The following SEMA3A variants were observed in gnomAD, a reference collection of about 807,000 sequenced individuals.
SEMA3A encodes the protein semaphorin 3A, also known as semaphorin-3A.
Under a neutral mutation model 97.9 loss-of-function variants are expected in SEMA3A, and 29 were observed. That is an observed-to-expected ratio of 0.30 (90% confidence interval 0.22 to 0.40). The LOEUF is 0.40. Ranked by LOEUF, SEMA3A falls within the 10% of genes least tolerant of loss-of-function variation. SEMA3A has a pLI of 1.00. For synonymous variants in SEMA3A, 321 were observed against 323.7 expected, an observed-to-expected ratio of 0.99 and a Z score of 0.09; for missense variants, 763 against 951.3, an observed-to-expected ratio of 0.80 and a Z score of 2.60.
At chr7:84,401,033 AG>A (rs35759329) in intron 1 of SEMA3A, among the ~76,000 whole-genome samples, 17,471 of 152,148 alleles carry the variant, frequency 0.11, 1,883 homozygotes, top group African/African-American at 0.27. Context: ...CAATTGGACA[AG>A]AGAAAGAAAT....
At chr7:84,097,605 A>G (rs1295207449) in intron 4 of SEMA3A, among the ~76,000 whole-genome samples, 1 of 152,146 alleles carries the variant, frequency 6.6e-6, no homozygotes, top group Non-Finnish European at 1.5e-5. Flanking sequence ...ATAAAATGGC[A>G]GACTGGAAAA....
intron 4 of SEMA3A, among the ~76,000 whole-genome samples, chr7:84,103,792 G>C (rs1795026846): frequency 6.6e-6 from 1 of 152,012 alleles, no homozygotes; most frequent in Non-Finnish European, 1.5e-5. Context: ...GATTATGAAG[G>C]CTGGAGAATG....
intron 1 of SEMA3A, among the ~76,000 whole-genome samples, chr7:84,191,438 C>T (rs545574147): frequency 4.0e-5 from 6 of 151,720 alleles, no homozygotes; most frequent in Admixed American, 3.9e-4. Flanking sequence ...CCTGGAATAG[C>T]CCCTTACATT....
intron 2 of SEMA3A, among the ~76,000 whole-genome samples, chr7:84,321,770 A>C (rs895070933): frequency 2.0e-5 from 3 of 148,356 alleles, no homozygotes; most frequent in Non-Finnish European, 4.5e-5. Flanking sequence ...CAGCTACTTG[A>C]TAGGCTGAGG....
intron 2 of SEMA3A, among the ~76,000 whole-genome samples, chr7:84,355,977 A>G (rs1802551354): frequency 1.3e-5 from 2 of 151,920 alleles, no homozygotes; most frequent in Non-Finnish European, 2.9e-5. Flanking sequence ...CTGAAAGGAA[A>G]TATCTTGGAA....
intron 1 of SEMA3A, among the ~76,000 whole-genome samples, chr7:84,381,886 A>T (rs1463078076): frequency 6.6e-6 from 1 of 152,216 alleles, no homozygotes; most frequent in African/African-American, 2.4e-5. Context: ...GTAATTCATC[A>T]AGAATAAGAA....
intron 1 of SEMA3A, among the ~76,000 whole-genome samples, chr7:84,468,937 T>C (rs890862367): frequency 6.7e-6 from 1 of 149,738 alleles, no homozygotes; most frequent in Non-Finnish European, 1.5e-5. Flanking sequence ...GTTAACTATA[T>C]ATAGTAAAAG....
At chr7:84,412,588 T>A (rs1314718176) in intron 1 of SEMA3A, among the ~76,000 whole-genome samples, 1 of 152,170 alleles carries the variant, frequency 6.6e-6, no homozygotes, top group Non-Finnish European at 1.5e-5. Context: ...AAGAGCTAGA[T>A]CATTTACAAA....
In SEMA3A at chr7:84,304,020, C is replaced by T. The variant is rs111823647; in HGVS notation, c.-83+3187G>A. Among the ~76,000 whole-genome samples the T allele has an allele frequency of 3.3e-5, 5 of 152,192 alleles. 1 individual carries two copies. Among genetic ancestry groups the T allele is most frequent in the African/African-American group, 1.2e-4 (5 of 41,538 alleles). On this transcript the variant is annotated intron_variant, in intron 3 of 3. Coordinates refer to the SEMA3A transcript ENST00000424555. ...TAACTCAATTCACTGGCCATATTTC[C>T]ATACCAAAGGTTCTTATTCTTTCTT...
In SEMA3A at chr7:83,985,442, A is replaced by G; in HGVS notation, c.1488T>C (p.Thr496=). 6.2e-7 allele frequency: 1 copy of G among 1,609,060 alleles called. No homozygotes were observed. Among genetic ancestry groups the G allele is most frequent in the South Asian group, 1.1e-5 (1 of 90,756 alleles). The change falls in exon 13 of 17, where the codon ACT becomes ACC. Residue 496 remains threonine, a synonymous_variant. Transcript: ENST00000265362. The stretch of plus-strand genomic sequence containing the variant: ...TAATACATAATGATAGTACCTGCTT[A>G]GTGGAAAGCTCCATTGCTGAAATAG... ...PTAISAMELS[T]KQQQLYIGST...
In SEMA3A at chr7:83,998,945, C is replaced by A. The variant is rs538718810; in HGVS notation, c.1452+3010G>T. Among the ~76,000 whole-genome samples, 3 of 152,192 alleles carry A rather than the reference C, an allele frequency of 2.0e-5. No homozygotes were observed. The East Asian group carries it at 5.8e-4, about 29-fold the overall frequency. Reference sequence around the variant, plus strand: ...GGTCAACAGCACATATATTTGATATCTCTATATTATAGGAGATAACACATT... The same window carrying A: ...GGTCAACAGCACATATATTTGATATATCTATATTATAGGAGATAACACATT... On this transcript the variant is annotated intron_variant, in intron 12 of 16. Transcript: ENST00000265362.
At chr7:84,244,238 G>A (rs1799430409) in intron 3 of SEMA3A, among the ~76,000 whole-genome samples, 1 of 152,076 alleles carries the variant, frequency 6.6e-6, no homozygotes, top group Non-Finnish European at 1.5e-5. Context: ...TCTCTTTGTA[G>A]GTCTCTAAGA....
intron 1 of SEMA3A, among the ~76,000 whole-genome samples, chr7:84,148,764 C>A (rs1312023472): frequency 6.6e-6 from 1 of 152,150 alleles, no homozygotes; most frequent in Non-Finnish European, 1.5e-5. Context: ...TCCAGCTACT[C>A]GACAAGAAGC....
intron 3 of SEMA3A, among the ~76,000 whole-genome samples, chr7:84,289,741 T>C (rs614105): frequency 0.36 from 54,108 of 151,966 alleles, 10,698 homozygotes; most frequent in Non-Finnish European, 0.46. Flanking sequence ...TACATACTGT[T>C]ACCATGTGAT....
At chr7:84,056,592 AG>A (rs1221805423) in intron 5 of SEMA3A, among the ~76,000 whole-genome samples, 7 of 151,788 alleles carry the variant, frequency 4.6e-5, no homozygotes, top group African/African-American at 1.7e-4. Flanking sequence ...GAAAAAAAAA[AG>A]AAAATACCCC....
intron 1 of SEMA3A, among the ~76,000 whole-genome samples, chr7:84,430,612 T>C (rs1804953694): frequency 1.3e-5 from 2 of 152,048 alleles, no homozygotes; most frequent in South Asian, 4.1e-4. Flanking sequence ...TAACTCTTTG[T>C]ATGTAACATA....
At chr7:84,151,173 A>T (rs971109414) in intron 1 of SEMA3A, among the ~76,000 whole-genome samples, 1 of 151,860 alleles carries the variant, frequency 6.6e-6, no homozygotes, top group African/African-American at 2.4e-5. Context: ...AACTCTAAAA[A>T]TCAGAGCGCC....
chr7:84,265,877 G>A (rs1251417928), intron 3 of SEMA3A, among the ~76,000 whole-genome samples: 2 of 151,924 alleles, frequency 1.3e-5, no homozygotes, highest in African/African-American at 4.8e-5. Context: ...TGATATATTG[G>A]CTACTTGTTA....
chr7:84,256,000 G>T (rs1799713033), intron 3 of SEMA3A, among the ~76,000 whole-genome samples: 1 of 151,964 alleles, frequency 6.6e-6, no homozygotes, highest in Non-Finnish European at 1.5e-5. Flanking sequence ...TTAGCATCTG[G>T]AGTTTTCTGA....
Sources: gnomAD v4.1 joint callset for allele counts (sites outside exome capture counted in the v4.1 genomes callset) on GRCh38, gnomAD v4.1.1 for gene constraint, MANE v1.5 for transcripts, NCBI Gene and HGNC (gene_info 2026-07-23, HGNC 2026-07-21) for gene names.